The following GPC5 variants were observed in gnomAD, a reference collection of about 807,000 sequenced individuals.
GPC5 encodes the protein glypican 5.
GPC5 carries 47 observed loss-of-function variants against 53.9 expected under a neutral mutation model. The observed-to-expected ratio is 0.87, with a 90% CI of 0.69 to 1.11. GPC5 has a LOEUF of 1.11. Ranked by LOEUF, GPC5 falls within the 50% of genes most tolerant of loss-of-function variation. GPC5 has a pLI of 0.00. For missense variants in GPC5, 748 were observed against 713.1 expected (o/e 1.05, Z -0.56); for synonymous variants, 286 against 263.3 (o/e 1.09, Z -0.84).
At chr13:92,622,061 C>T (rs188593814) in intron 7 of GPC5, among the ~76,000 whole-genome samples, 1 of 152,170 alleles carries the variant, frequency 6.6e-6, no homozygotes, top group African/African-American at 2.4e-5. Context: ...CTATCTGGTT[C>T]CAACCCTTCC....
At chr13:91,543,001 C>T (rs1453790396) in intron 2 of GPC5, among the ~76,000 whole-genome samples, 3 of 151,948 alleles carry the variant, frequency 2.0e-5, no homozygotes, top group African/African-American at 7.3e-5. Flanking sequence ...GGACTACAGG[C>T]GCCCACCACC....
intron 5 of GPC5, among the ~76,000 whole-genome samples, chr13:91,897,740 A>G (rs2039458374): frequency 6.6e-6 from 1 of 152,186 alleles, no homozygotes; most frequent in Non-Finnish European, 1.5e-5. Flanking sequence ...ATTAGAAAAC[A>G]TTTAATTAAC....
At chr13:92,076,328 C>T (rs1345932716) in intron 6 of GPC5, among the ~76,000 whole-genome samples, 3 of 152,134 alleles carry the variant, frequency 2.0e-5, no homozygotes, top group African/African-American at 7.2e-5. Context: ...GCCTCGGCCT[C>T]CCAAAGTGCT....
chr13:92,495,792 A>G (rs1450821473), intron 7 of GPC5, among the ~76,000 whole-genome samples: 6 of 151,956 alleles, frequency 3.9e-5, no homozygotes, highest in African/African-American at 1.2e-4. Context: ...CACATTATTC[A>G]TGAATCTGCA....
At chr13:91,515,639 C>T (rs924551762) in intron 2 of GPC5, among the ~76,000 whole-genome samples, 10 of 152,154 alleles carry the variant, frequency 6.6e-5, no homozygotes, top group Non-Finnish European at 1.2e-4. Flanking sequence ...CTGTCTTCCT[C>T]TCATGATGAC....
chr13:92,523,489 A>G (rs1881149280), intron 7 of GPC5, among the ~76,000 whole-genome samples: 1 of 152,132 alleles, frequency 6.6e-6, no homozygotes, highest in Non-Finnish European at 1.5e-5. Context: ...CAAATATTTG[A>G]GAATTTGATT....
chr13:91,610,894 C>T lies in GPC5; in HGVS notation c.326-82293C>T, dbSNP rs181865173. Among the ~76,000 whole-genome samples the T allele has an allele frequency of 2.4e-3, 363 of 152,260 alleles. 2 individuals are homozygous for T. Among genetic ancestry groups the T allele is most frequent in the African/African-American group, 8.5e-3 (352 of 41,544 alleles). On this transcript the variant is annotated intron_variant, in intron 2 of 7. Transcript: ENST00000377067. ...TCGGGAAATTGCTTAAATGTAGTGT[C>T]ATCTAAGATTCTGCATCAAATTGAA...
intron 7 of GPC5, among the ~76,000 whole-genome samples, chr13:92,288,424 T>G (rs898448644): frequency 3.9e-5 from 6 of 152,210 alleles, no homozygotes; most frequent in Non-Finnish European, 8.8e-5. Context: ...TGCTGAGGGC[T>G]GTAGTTATCA....
chr13:91,620,730 T>C (rs1324230302), intron 2 of GPC5, among the ~76,000 whole-genome samples: 2 of 152,192 alleles, frequency 1.3e-5, no homozygotes, highest in Admixed American at 6.5e-5. Flanking sequence ...CTGTTATTTG[T>C]CACTTAATGT....
In GPC5 at chr13:91,693,718, C is replaced by A. The variant is rs367826083; in HGVS notation, c.857C>A (p.Ala286Glu). ...NVMRGCLAHMAELNPHWHAYI... is the reference protein window; with the variant it reads ...NVMRGCLAHMEELNPHWHAYI... ...ATGCGAGGCTGCCTGGCGCACATGG[C>A]GGAGCTTAATCCACACTGGCATGCA... The change falls in exon 3 of 8, where the codon GCG (alanine) becomes GAG (glutamate). Residue 286 changes from alanine (A) to glutamate (E), a missense_variant. Ala to Glu is a moderately radical substitution (Grantham distance 107). Coordinates refer to ENST00000377067, the MANE Select transcript of GPC5 (RefSeq NM_004466.6). 1.4e-4 allele frequency: 224 copies of A among 1,614,136 alleles called. No individual in the cohort carries two copies. The South Asian group carries it at 2.2e-3, about 16-fold the overall frequency.
chr13:92,416,740 A>G (rs1235291841), intron 7 of GPC5, among the ~76,000 whole-genome samples: 1 of 152,192 alleles, frequency 6.6e-6, no homozygotes, highest in Non-Finnish European at 1.5e-5. Context: ...TTAAAATTCA[A>G]AAAGTTTGTG....
chr13:92,403,686 A>G (rs1875662851), intron 7 of GPC5, among the ~76,000 whole-genome samples: 1 of 152,224 alleles, frequency 6.6e-6, no homozygotes, highest in South Asian at 2.1e-4. Flanking sequence ...TTCTAGAGCC[A>G]TTGTTATATG....
At chr13:91,672,732 G>A (rs1417789690) in intron 2 of GPC5, among the ~76,000 whole-genome samples, 1 of 152,164 alleles carries the variant, frequency 6.6e-6, no homozygotes, top group African/African-American at 2.4e-5. Flanking sequence ...CCATTACTGG[G>A]TATATACCCA....
At chr13:91,970,533 A>G (rs922720194) in intron 6 of GPC5, among the ~76,000 whole-genome samples, 1 of 152,144 alleles carries the variant, frequency 6.6e-6, no homozygotes, top group Non-Finnish European at 1.5e-5. Context: ...ATATACATCT[A>G]TAAATCACCA....
chr13:92,048,311 A>T (rs912857943), intron 6 of GPC5, among the ~76,000 whole-genome samples: 3 of 151,820 alleles, frequency 2.0e-5, no homozygotes, highest in Admixed American at 1.3e-4. Flanking sequence ...TTTATATTAC[A>T]TATATTTTAT....
intron 7 of GPC5, among the ~76,000 whole-genome samples, chr13:92,749,325 T>A (rs750766672): frequency 3.3e-5 from 5 of 152,132 alleles, no homozygotes; most frequent in Admixed American, 3.3e-4. Flanking sequence ...TTGCTAGGTA[T>A]TTTTAATATA....
At chr13:91,549,161 C>T (rs570874813) in intron 2 of GPC5, among the ~76,000 whole-genome samples, 2 of 151,824 alleles carry the variant, frequency 1.3e-5, no homozygotes, top group African/African-American at 2.4e-5. Flanking sequence ...CCCAACTACT[C>T]GTGAGGCTGA....
At chr13:91,666,340 A>G (rs1325372713) in intron 2 of GPC5, among the ~76,000 whole-genome samples, 2 of 152,222 alleles carry the variant, frequency 1.3e-5, no homozygotes, top group African/African-American at 2.4e-5. Context: ...TTTTAAAAAC[A>G]TCTTTAAATG....
intron 7 of GPC5, among the ~76,000 whole-genome samples, chr13:92,591,499 T>A (rs1290964779): frequency 6.6e-6 from 1 of 152,212 alleles, no homozygotes; most frequent in Admixed American, 6.5e-5. Flanking sequence ...GTATTTATCA[T>A]GTACAACATA....
Sources: gnomAD v4.1 joint callset for allele counts (sites outside exome capture counted in the v4.1 genomes callset) on GRCh38, gnomAD v4.1.1 for gene constraint, MANE v1.5 for transcripts, NCBI Gene and HGNC (gene_info 2026-07-23, HGNC 2026-07-21) for gene names.